Variants in PHLPP1 observed in about 807,000 individuals in gnomAD.
The protein encoded by PHLPP1 is PH domain and leucine rich repeat protein phosphatase 1.
Under a neutral mutation model 117.2 loss-of-function variants are expected in PHLPP1, and 42 were observed. The observed-to-expected ratio is 0.36, with a 90% confidence interval of 0.28 to 0.46. The LOEUF (loss-of-function observed/expected upper bound fraction) is 0.46, where lower values mean the gene tolerates loss of function less well. Ranked by LOEUF, PHLPP1 falls within the 20% of genes least tolerant of loss-of-function variation. PHLPP1 has a pLI of 1.00. For missense variants in PHLPP1, 2,084 were observed against 2,241.9 expected (o/e 0.93, Z 1.42); for synonymous variants, 1,042 against 970.7 (o/e 1.07, Z -1.37).
At chr18:62,756,382 A>C (rs1034617851) in intron 1 of PHLPP1, among the ~76,000 whole-genome samples, 1 of 152,240 alleles carries the variant, frequency 6.6e-6, no homozygotes, top group African/African-American at 2.4e-5. Context: ...GGAGGCCCAC[A>C]CATTTAGCAT....
chr18:62,725,612 CTCTCTCTTTCTG>C (rs1164888252), intron 1 of PHLPP1, among the ~76,000 whole-genome samples: 1 of 141,740 alleles, frequency 7.1e-6, no homozygotes, highest in Non-Finnish European at 1.7e-5. Flanking sequence ...AATACTTTCT[CTCTCTCTTTCTG>C]TCTCTTAAAA....
chr18:62,828,011 TG>T (rs1914657051), intron 1 of PHLPP1, among the ~76,000 whole-genome samples: 1 of 25,936 alleles, frequency 3.9e-5, no homozygotes, highest in African/African-American at 2.2e-4. Flanking sequence ...TTTGCATTTG[TG>T]TGTGTGTGTG....
chr18:62,891,273 T>A (rs1916401195), intron 4 of PHLPP1, among the ~76,000 whole-genome samples: 1 of 152,206 alleles, frequency 6.6e-6, no homozygotes, highest in South Asian at 2.1e-4. Flanking sequence ...TATATCGATA[T>A]TTGCTGAATT....
At chr18:62,791,764 C>T (rs1913465529) in intron 1 of PHLPP1, among the ~76,000 whole-genome samples, 1 of 152,142 alleles carries the variant, frequency 6.6e-6, no homozygotes, top group Non-Finnish European at 1.5e-5. Flanking sequence ...CTTTTGTCTT[C>T]ATAGGAAATA....
chr18:62,912,706 A>G (rs752742478), intron 8 of PHLPP1, among the ~76,000 whole-genome samples: 3 of 151,898 alleles, frequency 2.0e-5, no homozygotes, highest in Non-Finnish European at 2.9e-5. Context: ...TGCAACCTCT[A>G]CTTCCTGGGT....
At chr18:62,890,236 CTCTT>C (rs1388059218) in intron 4 of PHLPP1, among the ~76,000 whole-genome samples, 11 of 151,576 alleles carry the variant, frequency 7.3e-5, no homozygotes, top group Non-Finnish European at 1.6e-4. Context: ...TTTTTTTTCT[CTCTT>C]CCATTTTATT....
At chr18:62,855,816 A>T (rs1915480740) in intron 3 of PHLPP1, among the ~76,000 whole-genome samples, 1 of 152,170 alleles carries the variant, frequency 6.6e-6, no homozygotes, top group Non-Finnish European at 1.5e-5. Context: ...TGTCTTCTTC[A>T]AAGTGGTTGC....
intron 13 of PHLPP1, among the ~76,000 whole-genome samples, chr18:62,961,363 T>G (rs1346921465): frequency 6.6e-6 from 1 of 152,164 alleles, no homozygotes; most frequent in African/African-American, 2.4e-5. Context: ...TCAGCCACAC[T>G]GTGTTCAGCT....
At chr18:62,856,229 G>A (rs1915495609) in intron 3 of PHLPP1, among the ~76,000 whole-genome samples, 1 of 151,990 alleles carries the variant, frequency 6.6e-6, no homozygotes, top group Admixed American at 6.6e-5. Context: ...ACCATATGTT[G>A]GTGATCACCT....
At chr18:62,831,720 A>G (rs901397441) in intron 2 of PHLPP1, among the ~76,000 whole-genome samples, 2 of 152,196 alleles carry the variant, frequency 1.3e-5, no homozygotes, top group Non-Finnish European at 2.9e-5. Flanking sequence ...CCACATGTGT[A>G]TGGTAATAAA....
chr18:62,839,057 T>C (rs1476978984), intron 3 of PHLPP1, 148 bp downstream of exon 3: 1 of 764,476 alleles, frequency 1.3e-6, no homozygotes, highest in Non-Finnish European at 2.0e-6. Flanking sequence ...TTTTTAGTTT[T>C]TTAAAAACTA....
chr18:62,929,944 G>A lies in PHLPP1; in HGVS notation c.2960+9830G>A, dbSNP rs148106512. ...TGCACTCTAGCCTGAGTGACAGACCGTCTCTAAAAACAAAATAAAAAATAA... is the reference window on the plus strand; with the variant it reads ...TGCACTCTAGCCTGAGTGACAGACCATCTCTAAAAACAAAATAAAAAATAA... On this transcript the variant is annotated intron_variant, in intron 10 of 16. Coordinates refer to ENST00000262719, the MANE Select transcript of PHLPP1 (RefSeq NM_194449.4). 6.4e-4 allele frequency among the ~76,000 whole-genome samples: 97 copies of A among 152,054 alleles called. No homozygotes were observed. The South Asian group carries it at 7.9e-3, about 12-fold the overall frequency.
chr18:62,759,341 A>G (rs917011340), intron 1 of PHLPP1, among the ~76,000 whole-genome samples: 1 of 152,222 alleles, frequency 6.6e-6, no homozygotes, highest in South Asian at 2.1e-4. Flanking sequence ...CTGTTAAATG[A>G]AAACTCTTTT....
At chr18:62,898,843 G>T (rs1916640951) in intron 6 of PHLPP1, among the ~76,000 whole-genome samples, 1 of 151,914 alleles carries the variant, frequency 6.6e-6, no homozygotes, top group Non-Finnish European at 1.5e-5. Context: ...TTGTTGCCCA[G>T]ACTGGAGTGC....
intron 10 of PHLPP1, among the ~76,000 whole-genome samples, 197 bp from the exon 11 acceptor site, chr18:62,941,521 A>G (rs966869731): frequency 2.1e-4 from 32 of 152,200 alleles, no homozygotes; most frequent in Non-Finnish European, 4.4e-4. Context: ...TAATACATAT[A>G]GATAGCTATT....
intron 10 of PHLPP1, among the ~76,000 whole-genome samples, chr18:62,939,380 A>G (rs1325587282): frequency 6.6e-6 from 1 of 152,210 alleles, no homozygotes; most frequent in East Asian, 1.9e-4. Flanking sequence ...TTTATTTCTT[A>G]CATTGTAATT....
At chr18:62,889,372 T>C (rs1033164353) in intron 4 of PHLPP1, among the ~76,000 whole-genome samples, 1 of 152,226 alleles carries the variant, frequency 6.6e-6, no homozygotes, top group African/African-American at 2.4e-5. Context: ...TATATCTGAA[T>C]ATTTAAGTTA....
rs1910716664 is a variant in PHLPP1, at chr18:62,716,034, C to T, written c.351C>T (p.Asn117=). The T allele has an allele frequency of 3.5e-6, 5 of 1,411,114 alleles. No homozygotes were observed. In the East Asian group the frequency reaches 1.5e-4, roughly 43 times the overall value. The allele number at this position is 1,411,114 out of a possible 1,614,324, so 87.4% of individuals were successfully genotyped here. A position where few individuals can be genotyped will look rare whatever the true frequency, so the allele number is the denominator to read the frequency against. The stretch of plus-strand genomic sequence containing the variant: ...TACCCGGGGCCGGCGGCGGCGCCAA[C>T]TCCCTCCTGCTGAGGAGAGGGCGGC... The part of the protein sequence containing the change: ...APVPGAGGGA[N]SLLLRRGRLK... The change falls in exon 1 of 17, where the codon AAC becomes AAT. Residue 117 remains asparagine, a synonymous_variant. Transcript: ENST00000262719. This position sits in a 1 kb window ranked among gnomAD's most constrained non-coding sequence, Gnocchi z 5.7.
intron 3 of PHLPP1, among the ~76,000 whole-genome samples, chr18:62,846,545 T>TGAA (rs1257087977): frequency 1.3e-5 from 2 of 150,188 alleles, no homozygotes; most frequent in East Asian, 3.9e-4. Flanking sequence ...CTGAGAAGTG[T>TGAA]GAAAAAAAAA....
Sources: allele counts gnomAD v4.1 joint callset (sites outside exome capture counted in the v4.1 genomes callset), GRCh38; gene constraint gnomAD v4.1.1; non-coding constraint Gnocchi (gnomAD v3.1); transcripts MANE v1.5; gene names NCBI Gene and HGNC (gene_info 2026-07-23, HGNC 2026-07-21).